The following PLB1 variants were observed in gnomAD, a reference collection of about 807,000 sequenced individuals.
The protein encoded by PLB1 is phospholipase B1, also known as phospholipase B1, membrane-associated.
Under a neutral mutation model 227.4 loss-of-function variants are expected in PLB1, and 242 were observed. The observed-to-expected ratio is 1.06, with a 90% CI of 0.96 to 1.18. The LOEUF (loss-of-function observed/expected upper bound fraction) is 1.18. Ranked by LOEUF, PLB1 falls within the 50% of genes most tolerant of loss-of-function variation. The pLI is 0.00. For synonymous variants in PLB1, 757 were observed against 682.2 expected (o/e 1.11, Z -1.71); for missense variants, 1,858 against 1,816.3 (o/e 1.02, Z -0.42).
chr2:28,519,904 T>G (rs1229158050), intron 4 of PLB1, 141 bp downstream of exon 4: 1 of 351,924 alleles, frequency 2.8e-6, no homozygotes, highest in Non-Finnish European at 5.2e-6. Flanking sequence ...GGTTGAATCT[T>G]TTTATTTTTA....
chr2:28,618,155 A>G (rs1686459061), intron 45 of PLB1, among the ~76,000 whole-genome samples, 186 bp from the exon 46 acceptor site: 1 of 152,176 alleles, frequency 6.6e-6, no homozygotes, highest in Non-Finnish European at 1.5e-5. Flanking sequence ...ATAGCCATGG[A>G]ACCCATTCCC....
chr2:28,641,495 C>T (rs1689972125), intron 57 of PLB1, among the ~76,000 whole-genome samples: 1 of 152,182 alleles, frequency 6.6e-6, no homozygotes, highest in Non-Finnish European at 1.5e-5. Flanking sequence ...GTCATCCCAG[C>T]TACTCAGGAG....
intron 4 of PLB1, among the ~76,000 whole-genome samples, chr2:28,520,689 T>C (rs186969603): frequency 2.0e-5 from 3 of 152,200 alleles, no homozygotes; most frequent in African/African-American, 7.2e-5. Context: ...ATAAGTGAAA[T>C]TGGCCAGGTG....
In PLB1 at chr2:28,525,919, A is replaced by G. The variant is rs761640921; in HGVS notation, c.299A>G (p.Gln100Arg). The G allele has an allele frequency of 2.0e-5, 32 of 1,614,010 alleles. No individual in the cohort carries two copies. The South Asian group carries it at 3.5e-4, about 18-fold the overall frequency. Residue 100 changes from glutamine (Q) to arginine (R), a missense_variant, in exon 6 of 58, where the codon CAG (glutamine) becomes CGG (arginine). Coordinates refer to ENST00000327757, the MANE Select transcript of PLB1 (RefSeq NM_153021.5). The part of the protein sequence containing the change: ...LEKQDWTERP[Q>R]QVCMGVMTVL... ...TCTACCTGCAGGACTGAAAGGCCAC[A>G]GCAGGTGTGCATGGGAGTGATGACA...
intron 25 of PLB1, among the ~76,000 whole-genome samples, chr2:28,583,272 G>A (rs756527765): frequency 2.0e-5 from 3 of 151,268 alleles, no homozygotes; most frequent in African/African-American, 7.3e-5. Flanking sequence ...TGCAGTCTCC[G>A]CCTCCCAGGT....
intron 51 of PLB1, 90 bp downstream of exon 51, chr2:28,626,598 G>C (rs547937663): frequency 1.5e-6 from 1 of 654,134 alleles, no homozygotes; most frequent in Non-Finnish European, 2.3e-6. Flanking sequence ...GCCCTGCCCC[G>C]AGCTCCTTGC....
At chr2:28,544,745 C>T (rs549546992) in intron 14 of PLB1, among the ~76,000 whole-genome samples, 2 of 152,028 alleles carry the variant, frequency 1.3e-5, no homozygotes, top group Admixed American at 6.5e-5. Context: ...GAGGAGGTCA[C>T]GGAGGGCGTT....
At position 28,516,611 on chromosome 2, in the gene PLB1, G is replaced by T. The variant is rs553701029; in HGVS notation, c.56-197G>T. ...TTTCACCTGGGGATTCTGCCCTAATGGGTTGTGTTAATGGAAGCACGGTGT... is the reference window on the plus strand; with the variant it reads ...TTTCACCTGGGGATTCTGCCCTAATTGGTTGTGTTAATGGAAGCACGGTGT... On this transcript the variant is annotated intron_variant, in intron 1 of 57. Transcript: ENST00000327757. Among the ~76,000 whole-genome samples, 4 of 152,286 alleles carry T rather than the reference G, an allele frequency of 2.6e-5. No homozygotes were observed. The South Asian group carries it at 8.3e-4, about 32-fold the overall frequency.
chr2:28,634,837 G>T (rs1689108332), intron 56 of PLB1, among the ~76,000 whole-genome samples: 4 of 152,042 alleles, frequency 2.6e-5, no homozygotes, highest in Non-Finnish European at 5.9e-5. Context: ...CTTGAGCATG[G>T]GAGGTCAAGG....
At chr2:28,531,540 A>G (rs562794639) in intron 8 of PLB1, among the ~76,000 whole-genome samples, 7 of 152,082 alleles carry the variant, frequency 4.6e-5, no homozygotes, top group African/African-American at 2.4e-5. Flanking sequence ...CGAACTCCCA[A>G]CCTCAGGTGA....
In PLB1 at chr2:28,587,282, G is replaced by A. The variant is rs907443067; in HGVS notation, c.1815+1440G>A. ...CTAGGGTCCGGAGCTATGCCATCAG[G>A]AATCATGGAATCATGGACTTCTAGG... On this transcript the variant is annotated intron_variant, in intron 26 of 57. Coordinates refer to ENST00000327757, the MANE Select transcript of PLB1 (RefSeq NM_153021.5). Among the ~76,000 whole-genome samples, 3 of 152,164 alleles carry A rather than the reference G, an allele frequency of 2.0e-5. No homozygotes were observed. The East Asian group carries it at 5.8e-4, about 29-fold the overall frequency.
chr2:28,567,718 C>T (rs1307420060), intron 20 of PLB1, among the ~76,000 whole-genome samples: 1 of 152,024 alleles, frequency 6.6e-6, no homozygotes, highest in Non-Finnish European at 1.5e-5. Context: ...GTGATCTGCC[C>T]GCCTTGGCCT....
chr2:28,529,285 A>G (rs751078544), intron 6 of PLB1, 32 bp from the exon 7 acceptor site: 3 of 1,520,804 alleles, frequency 2.0e-6, no homozygotes, highest in East Asian at 4.5e-5. Context: ...CAGCTGGTGA[A>G]GGCCAGGGCC....
chr2:28,631,096 G>C (rs1005066370), intron 54 of PLB1, among the ~76,000 whole-genome samples: 1 of 150,972 alleles, frequency 6.6e-6, no homozygotes, highest in African/African-American at 2.4e-5. Flanking sequence ...GGAGGCTGCT[G>C]TTAGCTATGA....
In PLB1 at chr2:28,496,236, G is replaced by A. The variant is rs1666419083; in HGVS notation, c.55+67G>A. ...CCCGCTGGTGTCCCATGTTGCTTAG[G>A]CAATGGGTGTGTGAGAGGAGTGTGT... On this transcript the variant is annotated intron_variant, in intron 1 of 57. Transcript: ENST00000327757. 7 of 1,463,110 alleles carry A rather than the reference G, an allele frequency of 4.8e-6. No homozygotes were observed. The East Asian group carries it at 1.4e-4, about 28-fold the overall frequency. The allele number at this position is 1,463,110 out of a possible 1,614,324, so 90.6% of individuals were successfully genotyped here.
chr2:28,565,313 G>A lies in PLB1; in HGVS notation c.1240G>A (p.Val414Ile), dbSNP rs144992448. 146 of 1,611,608 alleles carry A rather than the reference G, an allele frequency of 9.1e-5. No homozygotes were observed. Among genetic ancestry groups the A allele is most frequent in the Admixed American group, 1.7e-4 (10 of 59,738 alleles). The change falls in exon 19 of 58, where the codon GTC becomes ATC. Residue 414 changes from valine to isoleucine, a missense_variant. Physicochemically the swap from Val to Ile is conservative, Grantham distance 29 (BLOSUM62 3). Coordinates refer to ENST00000327757, the MANE Select transcript of PLB1 (RefSeq NM_153021.5). ...TGGGGCCGGGTCCACACCTGGGAAC[G>A]TCTTGGACGTCTTGACTCAGTACCG... The part of the protein sequence containing the change: ...GNGAGSTPGN[V>I]LDVLTQYRGL...
intron 56 of PLB1, 102 bp from the exon 57 acceptor site, chr2:28,640,825 A>T (rs1414062378): frequency 8.1e-7 from 1 of 1,227,338 alleles, no homozygotes; most frequent in Admixed American, 2.3e-5. Flanking sequence ...TCTATCCCCC[A>T]CCCCGTTCCC....
Position 28,529,758 on chromosome 2 carries a change from G to A in PLB1, c.447G>A (p.Val149=), listed in dbSNP as rs1259412490. ...TGTGGATTCAGGCTCAAGAACTGGTGAGAAACATGAAAGAGAACCTGGTAA... is the reference window on the plus strand; with the variant it reads ...TGTGGATTCAGGCTCAAGAACTGGTAAGAAACATGAAAGAGAACCTGGTAA... ...EDLWIQAQEL[V]RNMKENLQLD... The change falls in exon 8 of 58, where the codon GTG becomes GTA. Residue 149 remains valine (V), a synonymous_variant. Transcript: ENST00000327757. 19 of 1,614,042 alleles carry A rather than the reference G, an allele frequency of 1.2e-5. No individual in the cohort carries two copies. Among genetic ancestry groups the A allele is most frequent in the African/African-American group, 5.3e-5 (4 of 74,920 alleles).
At position 28,540,371 on chromosome 2, in the gene PLB1, C is replaced by T. The variant is rs773150263; in HGVS notation, c.704C>T (p.Ala235Val). The part of the protein sequence containing the change: ...RQYHGTWLSP[A>V]PEPCNCSEET... ...TGGTGTGTTTTAACCTGCAGCCCTG[C>T]ACCAGAGCCCTGTAATTGCTCAGAG... The change falls in exon 12 of 58, where the codon GCA (alanine) becomes GTA (valine). Residue 235 changes from alanine (A) to valine (V), a missense_variant. Physicochemically the swap from Ala to Val is moderately conservative, Grantham distance 64 (BLOSUM62 0). Transcript: ENST00000327757. 3 of 1,614,004 alleles carry T rather than the reference C, an allele frequency of 1.9e-6. No homozygotes were observed. The highest frequency in any genetic ancestry group is 1.3e-5 in the African/African-American group (1 of 75,032).
Sources: allele counts gnomAD v4.1 joint callset (sites outside exome capture counted in the v4.1 genomes callset), GRCh38; gene constraint gnomAD v4.1.1; transcripts MANE v1.5; gene names NCBI Gene and HGNC (gene_info 2026-07-23, HGNC 2026-07-21).